The following EYS variants were observed in gnomAD, a reference collection of about 807,000 sequenced individuals.
EYS encodes the protein protein eyes shut homolog.
EYS carries 250 observed loss-of-function variants against 282.1 expected under a neutral mutation model. The ratio of observed to expected loss-of-function variants is 0.89; its 90% CI spans 0.80 to 0.98. The LOEUF (loss-of-function observed/expected upper bound fraction) is 0.98, where lower values mean the gene tolerates loss of function less well. Ranked by LOEUF, EYS falls within the 50% of genes least tolerant of loss-of-function variation. EYS has a pLI of 0.00. For synonymous variants in EYS, 1,355 were observed against 1,282.9 expected (o/e 1.06, Z -1.20); for missense variants, 4,016 against 3,709.0 (o/e 1.08, Z -2.15).
At chr6:63,993,656 A>C (rs1767704755) in intron 34 of EYS, among the ~76,000 whole-genome samples, 1 of 151,966 alleles carries the variant, frequency 6.6e-6, no homozygotes. Context: ...CTTGAAAGAG[A>C]AAAAAGGCAC....
intron 26 of EYS, among the ~76,000 whole-genome samples, chr6:64,522,836 G>A (rs372513792): frequency 1.1e-4 from 17 of 151,898 alleles, no homozygotes; most frequent in African/African-American, 3.9e-4. Flanking sequence ...AAGTGTATCT[G>A]AATGCCAAGT....
At chr6:65,700,099 A>G (rs1015699682) in intron 1 of EYS, among the ~76,000 whole-genome samples, 2 of 120,390 alleles carry the variant, frequency 1.7e-5, no homozygotes, top group African/African-American at 3.2e-5. Context: ...TGGGTGACAG[A>G]GCGAGACTCC....
At chr6:65,468,177 A>C (rs904889173) in intron 5 of EYS, among the ~76,000 whole-genome samples, 2 of 152,156 alleles carry the variant, frequency 1.3e-5, no homozygotes, top group Non-Finnish European at 2.9e-5. Flanking sequence ...CCAGAACCTT[A>C]AACAGGGAAT....
At chr6:65,329,167 G>A (rs373356223) in intron 11 of EYS, 185 of 183,798 alleles carry the variant, frequency 1.0e-3, no homozygotes, top group Non-Finnish European at 1.1e-3. Flanking sequence ...GCTATAATAC[G>A]GTCAAACTTT....
Position 63,860,454 on chromosome 6 carries a change from CCTT to C in EYS, c.7228+3729_7228+3731del, listed in dbSNP as rs1161058072. On this transcript the variant is annotated intron_variant, in intron 36 of 42. Coordinates refer to ENST00000503581, the MANE Select transcript of EYS (RefSeq NM_001142800.2). ...GGAATATTAATGTCTTGTAGGGAAA[CCTT>C]CAATCAAAAAGAACCATGAGACAAT... is the stretch of plus-strand genomic sequence containing the variant. Among the ~76,000 whole-genome samples, 4 of 151,964 alleles carry C rather than the reference CCTT, an allele frequency of 2.6e-5. No individual in the cohort carries two copies. In the East Asian group the frequency reaches 5.8e-4, roughly 22 times the overall value.
chr6:65,579,661 CTG>C (rs1436489017), intron 2 of EYS, among the ~76,000 whole-genome samples: 8 of 152,118 alleles, frequency 5.3e-5, no homozygotes, highest in Non-Finnish European at 8.8e-5. Flanking sequence ...ACACAGAAAT[CTG>C]TCTCTTTCTT....
chr6:63,985,073 G>A (rs1471295025), intron 34 of EYS, among the ~76,000 whole-genome samples: 2 of 151,700 alleles, frequency 1.3e-5, no homozygotes, highest in African/African-American at 4.8e-5. Context: ...CATTGCAGAT[G>A]TAATTTATTA....
intron 33 of EYS, among the ~76,000 whole-genome samples, chr6:64,042,025 T>C (rs1164484600): frequency 1.3e-5 from 2 of 152,058 alleles, no homozygotes; most frequent in African/African-American, 4.8e-5. Context: ...CCAGTGTAAG[T>C]GAGAAAAGGT....
intron 29 of EYS, among the ~76,000 whole-genome samples, chr6:64,376,089 A>T (rs1006979265): frequency 6.6e-6 from 1 of 152,250 alleles, no homozygotes; most frequent in Non-Finnish European, 1.5e-5. Context: ...AAGATCTATC[A>T]TTTCAAAGAG....
At chr6:65,288,919 A>G (rs553616298) in intron 12 of EYS, among the ~76,000 whole-genome samples, 1 of 151,168 alleles carries the variant, frequency 6.6e-6, no homozygotes, top group African/African-American at 2.4e-5. Context: ...TTAAGCACTT[A>G]AAGAGTAGTA....
intron 35 of EYS, among the ~76,000 whole-genome samples, chr6:63,982,979 T>C (rs1042218681): frequency 1.3e-5 from 2 of 151,810 alleles, no homozygotes; most frequent in Non-Finnish European, 2.9e-5. Flanking sequence ...CGTTCTTCTA[T>C]GGGGTTTGAA....
intron 2 of EYS, among the ~76,000 whole-genome samples, chr6:65,510,328 C>T (rs1766821670): frequency 6.6e-6 from 1 of 151,698 alleles, no homozygotes; most frequent in Non-Finnish European, 1.5e-5. Flanking sequence ...CATCCATGTC[C>T]CTACAAAGGA....
At chr6:65,515,751 C>T (rs1237781262) in intron 2 of EYS, among the ~76,000 whole-genome samples, 19 of 128,610 alleles carry the variant, frequency 1.5e-4, no homozygotes, top group African/African-American at 4.2e-4. Context: ...TGAGAACACA[C>T]GGACACAGGA....
chr6:64,303,450 A>C (rs1769307123), intron 30 of EYS, among the ~76,000 whole-genome samples: 1 of 152,210 alleles, frequency 6.6e-6, no homozygotes, highest in Non-Finnish European at 1.5e-5. Context: ...GCCTGATGCA[A>C]AATAACAGAA....
chr6:65,218,267 C>G (rs1766366611), intron 12 of EYS, among the ~76,000 whole-genome samples: 1 of 152,086 alleles, frequency 6.6e-6, no homozygotes, highest in Admixed American at 6.5e-5. Context: ...ATCTCTTAAA[C>G]ATACCCTGAT....
chr6:64,801,735 C>A (rs1200518972), intron 22 of EYS, among the ~76,000 whole-genome samples: 2 of 152,040 alleles, frequency 1.3e-5, no homozygotes, highest in Non-Finnish European at 2.9e-5. Flanking sequence ...AAGACAAAAT[C>A]ATACCATAAT....
intron 31 of EYS, among the ~76,000 whole-genome samples, chr6:64,095,746 C>G (rs992560662): frequency 6.6e-6 from 1 of 152,152 alleles, no homozygotes; most frequent in African/African-American, 2.4e-5. Context: ...AGCATTTAGC[C>G]TATTTACATT....
chr6:65,007,675 C>T lies in EYS; in HGVS notation c.2138-9972G>A, dbSNP rs375980228. On this transcript the variant is annotated intron_variant, in intron 13 of 42. Coordinates refer to ENST00000503581, the MANE Select transcript of EYS (RefSeq NM_001142800.2). The stretch of plus-strand genomic sequence containing the variant: ...AATAAGGACCCCCCTTCAACCCAAA[C>T]GGTCCAAAAGGAGATAAATAAACAA... Among the ~76,000 whole-genome samples, 128 of 152,170 alleles carry T rather than the reference C, an allele frequency of 8.4e-4. 1 individual carries two copies. The highest frequency in any genetic ancestry group is 2.6e-3 in the African/African-American group (108 of 41,504).
chr6:64,671,495 T>C (rs1769461320), intron 22 of EYS, among the ~76,000 whole-genome samples: 1 of 152,078 alleles, frequency 6.6e-6, no homozygotes. Context: ...AAGCCGCCCA[T>C]GTATTATATT....
Sources: gnomAD v4.1 joint callset for allele counts (sites outside exome capture counted in the v4.1 genomes callset) on GRCh38, gnomAD v4.1.1 for gene constraint, MANE v1.5 for transcripts, NCBI Gene and HGNC (gene_info 2026-07-23, HGNC 2026-07-21) for gene names.